SLC4A7: variants seen among roughly 807,000 people sequenced by gnomAD.
SLC4A7 encodes sodium bicarbonate cotransporter 3.
SLC4A7 carries 51 observed loss-of-function variants against 137.6 expected under a neutral mutation model. The ratio of observed to expected loss-of-function variants is 0.37; its 90% CI spans 0.30 to 0.47. The LOEUF is 0.47. Among genes scored for constraint, SLC4A7 ranks in the 20% least tolerant of loss-of-function variants. The probability of loss-of-function intolerance (pLI) is 1.00; values close to 1 mark genes in which losing one functional copy is unlikely to be tolerated. For missense variants in SLC4A7, 1,247 were observed against 1,525.4 expected, an observed-to-expected ratio of 0.82 and a Z score of 3.04; for synonymous variants, 542 against 518.6, an observed-to-expected ratio of 1.05 and a Z score of -0.61.
At chr3:27,390,572 G>A (rs1416435396) in intron 21 of SLC4A7, among the ~76,000 whole-genome samples, 2 of 152,054 alleles carry the variant, frequency 1.3e-5, no homozygotes, top group Non-Finnish European at 2.9e-5. Context: ...TCATCTTTTT[G>A]AGCTTTAATT....
At chr3:27,468,662 G>T (rs1424609150) in intron 1 of SLC4A7, among the ~76,000 whole-genome samples, 1 of 151,960 alleles carries the variant, frequency 6.6e-6, no homozygotes, top group Non-Finnish European at 1.5e-5. Context: ...TACTACGCTG[G>T]GCAGATTACT....
Position 27,447,736 on chromosome 3 carries a change from G to A in SLC4A7, c.289+915C>T, listed in dbSNP as rs183539699. ...ATGCTCGTCATCAGATAACAGTCTTGTTCCTGCTTTTCTTTCTGATTTCTA... is the reference window on the plus strand; with the variant it reads ...ATGCTCGTCATCAGATAACAGTCTTATTCCTGCTTTTCTTTCTGATTTCTA... On this transcript the variant is annotated intron_variant, in intron 3 of 25. Transcript: ENST00000454389. 2.5e-3 allele frequency among the ~76,000 whole-genome samples: 347 copies of A among 137,520 alleles called. 2 individuals carry two copies. Among genetic ancestry groups the A allele is most frequent in the African/African-American group, 9.2e-3 (333 of 36,304 alleles). The allele number at this position is 137,520 out of a possible 152,430, so 90.2% of individuals were successfully genotyped here.
At chr3:27,483,343 G>T (rs951365858) in intron 1 of SLC4A7, among the ~76,000 whole-genome samples, 1 of 152,222 alleles carries the variant, frequency 6.6e-6, no homozygotes, top group Non-Finnish European at 1.5e-5. Flanking sequence ...GATCTTGCTA[G>T]CTGAGTTAGA....
intron 1 of SLC4A7, among the ~76,000 whole-genome samples, chr3:27,458,728 T>C (rs1402034725): frequency 6.6e-6 from 1 of 152,184 alleles, no homozygotes; most frequent in Non-Finnish European, 1.5e-5. Context: ...AGGTGGCTCA[T>C]GCCAGTAATC....
chr3:27,416,544 T>A (rs2150257847), intron 11 of SLC4A7, among the ~76,000 whole-genome samples: 1 of 152,336 alleles, frequency 6.6e-6, no homozygotes, highest in East Asian at 1.9e-4. Flanking sequence ...TAATCTTAAT[T>A]TTTTGATATT....
chr3:27,442,434 T>A (rs1168535302), intron 3 of SLC4A7, among the ~76,000 whole-genome samples: 1 of 135,272 alleles, frequency 7.4e-6, no homozygotes, highest in African/African-American at 2.7e-5. Context: ...AAACTACAGC[T>A]CATTTTCTTT....
chr3:27,437,575 T>A, intron 3 of SLC4A7, 49 bp from the exon 4 acceptor site: 1 of 1,289,826 alleles, frequency 7.8e-7, no homozygotes, highest in Non-Finnish European at 1.0e-6. Flanking sequence ...CTCAAGTCAT[T>A]CAAAGATAAA....
chr3:27,432,157 T>C (rs995237326), intron 6 of SLC4A7, among the ~76,000 whole-genome samples: 5 of 152,198 alleles, frequency 3.3e-5, no homozygotes, highest in Non-Finnish European at 5.9e-5. Context: ...TAAGTAATAA[T>C]TTCTAACTTA....
At chr3:27,455,288 G>T (rs966282086) in intron 1 of SLC4A7, among the ~76,000 whole-genome samples, 3 of 152,284 alleles carry the variant, frequency 2.0e-5, no homozygotes, top group African/African-American at 7.2e-5. Flanking sequence ...AAAGATAGTT[G>T]TTTACTGCAA....
intron 22 of SLC4A7, among the ~76,000 whole-genome samples, chr3:27,389,230 T>G (rs960224209): frequency 1.3e-5 from 2 of 152,170 alleles, no homozygotes; most frequent in African/African-American, 2.4e-5. Context: ...TTTTCTCTCT[T>G]TCAATACCTC....
rs2058519706 is a variant in SLC4A7 at position 27,458,399 on chromosome 3, A to G, written c.61-5901T>C. 2.0e-5 allele frequency among the ~76,000 whole-genome samples: 3 copies of G among 152,300 alleles called. 1 individual carries two copies. The South Asian group carries it at 6.2e-4, about 32-fold the overall frequency. ...CAAAATAAGAAATAAATCTTTCACA[A>G]CTTTACATAGGGAGACTGACTGTAC... On this transcript the variant is annotated intron_variant, in intron 1 of 25. Coordinates refer to ENST00000454389, the MANE Select transcript of SLC4A7 (RefSeq NM_001321103.2).
At chr3:27,448,505 A>T (rs9883830) in intron 3 of SLC4A7, 146 bp downstream of exon 3, 1 of 447,714 alleles carries the variant, frequency 2.2e-6, no homozygotes, top group Non-Finnish European at 3.8e-6. Context: ...ACTTCAATTG[A>T]TATTCCCCAA....
Position 27,435,716 on chromosome 3 carries a change from C to T in SLC4A7, c.589+672G>A, listed in dbSNP as rs989297341. Among the ~76,000 whole-genome samples the T allele has an allele frequency of 2.5e-4, 38 of 152,074 alleles. 1 individual carries two copies. Among genetic ancestry groups the T allele is most frequent in the Admixed American group, 1.9e-3 (29 of 15,260 alleles). On this transcript the variant is annotated intron_variant, in intron 5 of 25. Transcript: ENST00000454389. The stretch of plus-strand genomic sequence containing the variant: ...TTAGCCAGGCGTGGTGGTGTATACA[C>T]CTGTGGTCCCAGCTACTCAGTAGGT...
At chr3:27,388,173 T>C (rs954324721) in intron 22 of SLC4A7, among the ~76,000 whole-genome samples, 2 of 152,194 alleles carry the variant, frequency 1.3e-5, no homozygotes, top group African/African-American at 4.8e-5. Context: ...TCAACAAATA[T>C]GTTAATAATT....
In SLC4A7 at chr3:27,394,937, C is replaced by A; in HGVS notation, c.2865+17G>T. ...CCTTGAAGAATCACAATGCTTAAGG[C>A]AAAATTCTAAAATTACCTTCAATTT... On this transcript the variant is annotated intron_variant, in intron 19 of 25. Transcript: ENST00000454389. 1 of 1,582,758 alleles carries A rather than the reference C, an allele frequency of 6.3e-7. No homozygotes were observed. Among genetic ancestry groups the A allele is most frequent in the Non-Finnish European group, 8.6e-7 (1 of 1,167,962 alleles).
chr3:27,418,639 G>A lies in SLC4A7; in HGVS notation c.1513-7C>T, dbSNP rs2054624982. 3 of 1,541,692 alleles carry A rather than the reference G, an allele frequency of 1.9e-6. No individual in the cohort carries two copies. The highest frequency in any genetic ancestry group is 1.4e-5 in the African/African-American group (1 of 71,974). On this transcript the variant is annotated splice_polypyrimidine_tract_variant and splice_region_variant and intron_variant, in intron 10 of 25. Coordinates refer to ENST00000454389, the MANE Select transcript of SLC4A7 (RefSeq NM_001321103.2). ...AAGCTACATCATGGAAAATCTAAGTGAAAAAAATATTGAGTAAAAGATTTT... is the reference window on the plus strand; with the variant it reads ...AAGCTACATCATGGAAAATCTAAGTAAAAAAAATATTGAGTAAAAGATTTT...
chr3:27,376,884 TATAA>T, intron 25 of SLC4A7, 39 bp from the exon 26 acceptor site: 5 of 1,043,946 alleles, frequency 4.8e-6, no homozygotes, highest in Non-Finnish European at 6.7e-6. Context: ...AATTTTAAAA[TATAA>T]ATATTCAATT....
At chr3:27,474,510 G>C (rs1001618413) in intron 1 of SLC4A7, among the ~76,000 whole-genome samples, 2 of 152,146 alleles carry the variant, frequency 1.3e-5, no homozygotes, top group Non-Finnish European at 2.9e-5. Flanking sequence ...AGGAGTTTGA[G>C]ACCAGTCTGG....
chr3:27,462,237 A>G (rs1351168955), intron 1 of SLC4A7, among the ~76,000 whole-genome samples: 2 of 152,192 alleles, frequency 1.3e-5, no homozygotes, highest in Non-Finnish European at 2.9e-5. Context: ...TAAACTAGCA[A>G]GAATTCATTT....
Sources: gnomAD v4.1 joint callset for allele counts (sites outside exome capture counted in the v4.1 genomes callset) on GRCh38, gnomAD v4.1.1 for gene constraint, MANE v1.5 for transcripts, NCBI Gene and HGNC (gene_info 2026-07-23, HGNC 2026-07-21) for gene names.